The following TMEM212 variants were observed in gnomAD, a reference collection of about 807,000 sequenced individuals.
TMEM212 encodes transmembrane protein 212.
A neutral mutation model predicts 20.5 loss-of-function variants in TMEM212; 23 were observed. The ratio of observed to expected loss-of-function variants is 1.12; its 90% CI spans 0.81 to 1.59. The LOEUF is 1.59. Ranked by LOEUF, TMEM212 falls within the 40% of genes most tolerant of loss-of-function variation. The pLI is 0.00. For missense variants in TMEM212, 211 were observed against 215.0 expected (o/e 0.98, Z 0.12); for synonymous variants, 76 against 81.6 (o/e 0.93, Z 0.37).
chr3:171,850,625 G>A (rs1275287587), intron 1 of TMEM212, among the ~76,000 whole-genome samples: 1 of 152,202 alleles, frequency 6.6e-6, no homozygotes, highest in African/African-American at 2.4e-5. Flanking sequence ...TACAGCACCG[G>A]TGTTACAGTT....
chr3:171,843,682 GA>G (rs1199189207), intron 1 of TMEM212, 140 bp downstream of exon 1: 16 of 666,544 alleles, frequency 2.4e-5, no homozygotes, highest in Non-Finnish European at 3.5e-5. Context: ...ATCCGCCTTG[GA>G]ACATTGATTT....
intron 1 of TMEM212, among the ~76,000 whole-genome samples, chr3:171,850,864 T>C (rs1266920425): frequency 6.6e-6 from 1 of 152,094 alleles, no homozygotes; most frequent in Non-Finnish European, 1.5e-5. Context: ...CGCGTGTGTG[T>C]TTCCCTCTCT....
intron 2 of TMEM212, among the ~76,000 whole-genome samples, chr3:171,852,970 G>A (rs989001624): frequency 5.9e-5 from 9 of 152,180 alleles, no homozygotes; most frequent in Non-Finnish European, 5.9e-5. Flanking sequence ...ACTGAATGAT[G>A]GACCACATCC....
At chr3:171,850,445 G>A (rs1252185977) in intron 1 of TMEM212, among the ~76,000 whole-genome samples, 1 of 152,198 alleles carries the variant, frequency 6.6e-6, no homozygotes, top group African/African-American at 2.4e-5. Context: ...AAGGCAACCT[G>A]GAATCTCAGC....
intron 1 of TMEM212, among the ~76,000 whole-genome samples, chr3:171,851,341 A>C (rs2108380667): frequency 6.6e-6 from 1 of 152,288 alleles, no homozygotes; most frequent in South Asian, 2.1e-4. Context: ...AACTATTTTC[A>C]TTCCACACTG....
In TMEM212 at chr3:171,856,141, G is replaced by T. The variant is rs12634940; in HGVS notation, c.544-522G>T. 0.052 allele frequency among the ~76,000 whole-genome samples: 7,965 copies of T among 152,114 alleles called. 1,145 individuals carry two copies. The East Asian group carries it at 0.54, about 10-fold the overall frequency. On this transcript the variant is annotated intron_variant, in intron 3 of 4. Coordinates refer to ENST00000334567, the MANE Select transcript of TMEM212 (RefSeq NM_001164436.2). ...AAAAAGCAGAATGTATAATGTAAGG[G>T]AATTGTTCCATTTCATAGATTGGTA...
chr3:171,845,086 T>C (rs1358130320), intron 1 of TMEM212, among the ~76,000 whole-genome samples: 1 of 152,198 alleles, frequency 6.6e-6, no homozygotes, highest in Non-Finnish European at 1.5e-5. Context: ...CCTTCTTTTC[T>C]CCAACACCTA....
At chr3:171,854,610 G>A (rs1725068838) in intron 3 of TMEM212, among the ~76,000 whole-genome samples, 1 of 152,122 alleles carries the variant, frequency 6.6e-6, no homozygotes, top group African/African-American at 2.4e-5. Flanking sequence ...CCTATCAAAA[G>A]TTCAATGGCA....
intron 4 of TMEM212, among the ~76,000 whole-genome samples, chr3:171,857,776 GA>G (rs1328409527): frequency 2.0e-5 from 3 of 152,170 alleles, no homozygotes; most frequent in African/African-American, 7.2e-5. Context: ...ACAGGTACAT[GA>G]AAAGGTGTTG....
rs190334035 is a variant in TMEM212 at position 171,853,439 on chromosome 3, A to C, written c.220-88A>C. ...TTTCCAATAGGAGAGATTCATAGCC[A>C]GCATCTCTTTTATTTTCTTCATATT... On this transcript the variant is annotated intron_variant, in intron 2 of 4. Transcript: ENST00000334567. 31 of 1,054,134 alleles carry C rather than the reference A, an allele frequency of 2.9e-5. No homozygotes were observed. The African/African-American group carries it at 3.0e-4, about 10-fold the overall frequency. The allele number at this position is 1,054,134 out of a possible 1,614,324, so 65.3% of individuals were successfully genotyped here. A position where few individuals can be genotyped will look rare whatever the true frequency, so the allele number is the denominator to read the frequency against.
At chr3:171,856,384 C>G (rs929906360) in intron 3 of TMEM212, among the ~76,000 whole-genome samples, 3 of 152,152 alleles carry the variant, frequency 2.0e-5, no homozygotes, top group Non-Finnish European at 4.4e-5. Context: ...ATAAGTGACA[C>G]TGTAAGTGCT....
intron 2 of TMEM212, among the ~76,000 whole-genome samples, chr3:171,852,347 C>T (rs565629295): frequency 2.0e-5 from 3 of 152,222 alleles, no homozygotes; most frequent in African/African-American, 7.2e-5. Context: ...ACTACAGGTG[C>T]ACGCCACCAT....
chr3:171,851,235 T>A (rs969095676), intron 1 of TMEM212, among the ~76,000 whole-genome samples: 4 of 152,250 alleles, frequency 2.6e-5, no homozygotes, highest in Admixed American at 6.5e-5. Context: ...CACAAAGGTC[T>A]CCTCCATCAG....
At chr3:171,846,907 T>G (rs16856725) in intron 1 of TMEM212, among the ~76,000 whole-genome samples, 44,143 of 152,074 alleles carry the variant, frequency 0.29, 6,977 homozygotes, top group East Asian at 0.67. Context: ...GTGACAAGAT[T>G]TGTACATTTC....
At chr3:171,845,818 C>A (rs1295812877) in intron 1 of TMEM212, among the ~76,000 whole-genome samples, 3 of 152,068 alleles carry the variant, frequency 2.0e-5, no homozygotes, top group Admixed American at 6.5e-5. Flanking sequence ...GGGAATTTTA[C>A]AGATAAAAAG....
intron 2 of TMEM212, among the ~76,000 whole-genome samples, chr3:171,852,524 T>G (rs1203168969): frequency 1.3e-5 from 2 of 152,232 alleles, no homozygotes; most frequent in African/African-American, 2.4e-5. Flanking sequence ...ATCTGATCCC[T>G]GCTCCAAATA....
At position 171,843,400 on chromosome 3, in the gene TMEM212, A is replaced by C; in HGVS notation, c.17A>C (p.Gln6Pro). The C allele has an allele frequency of 5.9e-6, 9 of 1,536,306 alleles. No homozygotes were observed. The highest frequency in any genetic ancestry group is 7.0e-6 in the Non-Finnish European group (8 of 1,146,428). Reference protein sequence around the residue: MKGLYQAAGRILVTLG... With the variant: MKGLYPAAGRILVTLG... ...CCAAGGAAAATGAAGGGCCTCTACCAGGCTGCTGGCCGGATTCTTGTTACT... is the reference window on the plus strand; with the variant it reads ...CCAAGGAAAATGAAGGGCCTCTACCCGGCTGCTGGCCGGATTCTTGTTACT... Residue 6 changes from glutamine (Q) to proline (P), a missense_variant, in exon 1 of 5, where the codon CAG (glutamine) becomes CCG (proline). Coordinates refer to ENST00000334567, the MANE Select transcript of TMEM212 (RefSeq NM_001164436.2).
intron 4 of TMEM212, among the ~76,000 whole-genome samples, chr3:171,857,519 A>G (rs1725147771): frequency 6.6e-6 from 1 of 152,202 alleles, no homozygotes; most frequent in South Asian, 2.1e-4. Context: ...TGAAAAGCAC[A>G]TGCTACCAAA....
At chr3:171,847,853 T>C (rs1724874481) in intron 1 of TMEM212, among the ~76,000 whole-genome samples, 1 of 152,104 alleles carries the variant, frequency 6.6e-6, no homozygotes, top group Non-Finnish European at 1.5e-5. Context: ...GGGGGGGTTC[T>C]TGCTAAACTG....
Sources: gnomAD v4.1 joint callset for allele counts (sites outside exome capture counted in the v4.1 genomes callset) on GRCh38, gnomAD v4.1.1 for gene constraint, MANE v1.5 for transcripts, NCBI Gene and HGNC (gene_info 2026-07-23, HGNC 2026-07-21) for gene names.